Variants in EXT1 observed in about 807,000 individuals in gnomAD.
EXT1 encodes exostosin-1.
A neutral mutation model predicts 82.5 loss-of-function variants in EXT1; 20 were observed. The ratio of observed to expected loss-of-function variants is 0.24; its 90% CI spans 0.17 to 0.35. The LOEUF is 0.35. EXT1 is among the 10% of genes least tolerant of loss of function. EXT1 has a pLI of 1.00. For synonymous variants in EXT1, 348 were observed against 350.8 expected, an observed-to-expected ratio of 0.99 and a Z score of 0.09; for missense variants, 757 against 936.5, an observed-to-expected ratio of 0.81 and a Z score of 2.50.
intron 1 of EXT1, among the ~76,000 whole-genome samples, chr8:118,068,205 A>AGTTC (rs1363767398): frequency 6.6e-6 from 1 of 152,190 alleles, no homozygotes; most frequent in African/African-American, 2.4e-5. Flanking sequence ...CAAACTCCGA[A>AGTTC]GTTCAAGTTC....
chr8:117,852,807 A>G (rs1812479437), intron 1 of EXT1, among the ~76,000 whole-genome samples: 1 of 152,230 alleles, frequency 6.6e-6, no homozygotes, highest in Admixed American at 6.5e-5. Flanking sequence ...TTGTCAGGAT[A>G]CAATGGTGGG....
chr8:118,061,542 A>C (rs1816881361), intron 1 of EXT1, among the ~76,000 whole-genome samples: 1 of 152,202 alleles, frequency 6.6e-6, no homozygotes. Context: ...TCAACACCAC[A>C]AGCTTTTTAC....
chr8:117,873,447 C>CTTTTTT (rs1184985472), intron 1 of EXT1, among the ~76,000 whole-genome samples: 2 of 99,706 alleles, frequency 2.0e-5, no homozygotes, highest in African/African-American at 4.1e-5. Context: ...TGTCCTGTGA[C>CTTTTTT]TTTTTTTTTT....
chr8:117,955,131 C>T (rs868748661), intron 1 of EXT1, among the ~76,000 whole-genome samples: 1 of 152,190 alleles, frequency 6.6e-6, no homozygotes, highest in Non-Finnish European at 1.5e-5. Context: ...AAGAGGTACA[C>T]TGTGTGATGT....
At chr8:118,048,130 G>C (rs977759175) in intron 1 of EXT1, among the ~76,000 whole-genome samples, 4 of 152,010 alleles carry the variant, frequency 2.6e-5, no homozygotes, top group South Asian at 2.1e-4. Flanking sequence ...TTCCTACATA[G>C]GGCAAGTCAA....
At chr8:117,861,639 T>TACGTGCCACCACACCC in intron 1 of EXT1, among the ~76,000 whole-genome samples, 1 of 143,000 alleles carries the variant, frequency 7.0e-6, no homozygotes, top group Non-Finnish European at 1.6e-5. Context: ...GGATTACAGA[T>TACGTGCCACCACACCC]ACGTGCCACC....
chr8:118,101,023 G>A (rs552847368), intron 1 of EXT1, among the ~76,000 whole-genome samples: 1 of 152,324 alleles, frequency 6.6e-6, no homozygotes, highest in African/African-American at 2.4e-5. Context: ...GCTTAGTTAG[G>A]AAGAGCTAAG....
At chr8:117,929,666 G>A (rs996362441) in intron 1 of EXT1, among the ~76,000 whole-genome samples, 2 of 152,194 alleles carry the variant, frequency 1.3e-5, no homozygotes, top group Non-Finnish European at 2.9e-5. Context: ...GAGACTGAAG[G>A]AGTATGCCAA....
At chr8:117,931,458 C>G (rs1049681486) in intron 1 of EXT1, among the ~76,000 whole-genome samples, 1 of 103,410 alleles carries the variant, frequency 9.7e-6, no homozygotes, top group African/African-American at 3.8e-5. Flanking sequence ...TTGTGTGGGG[C>G]GGGGGTGTGG....
At chr8:117,815,090 C>T (rs2129727033) in intron 7 of EXT1, among the ~76,000 whole-genome samples, 1 of 152,286 alleles carries the variant, frequency 6.6e-6, no homozygotes, top group African/African-American at 2.4e-5. Context: ...GATCAGCAAC[C>T]TCATAGACAC....
intron 1 of EXT1, among the ~76,000 whole-genome samples, chr8:118,019,813 G>A (rs373643775): frequency 6.6e-6 from 1 of 152,278 alleles, no homozygotes; most frequent in East Asian, 1.9e-4. Context: ...GGTAAGTGGT[G>A]GTGGCAGATT....
At chr8:118,043,810 G>T (rs1308543988) in intron 1 of EXT1, among the ~76,000 whole-genome samples, 1 of 152,204 alleles carries the variant, frequency 6.6e-6, no homozygotes, top group East Asian at 1.9e-4. Flanking sequence ...CCACTACTGG[G>T]AGGAGGAGAG....
chr8:117,914,893 G>C (rs1586282169), intron 1 of EXT1, among the ~76,000 whole-genome samples: 1 of 152,128 alleles, frequency 6.6e-6, no homozygotes, highest in Admixed American at 6.5e-5. Context: ...TTTGCCCTTT[G>C]TCCTGTTCCC....
intron 1 of EXT1, among the ~76,000 whole-genome samples, chr8:117,997,260 TATAC>T: frequency 8.1e-6 from 1 of 124,144 alleles, no homozygotes; most frequent in African/African-American, 2.8e-5. Flanking sequence ...TATATATATA[TATAC>T]ACACTTTATA....
At chr8:117,874,976 T>G (rs1355219987) in intron 1 of EXT1, among the ~76,000 whole-genome samples, 2 of 152,192 alleles carry the variant, frequency 1.3e-5, no homozygotes, top group African/African-American at 2.4e-5. Context: ...GATTTTAAAC[T>G]GCAGCTTGAA....
intron 1 of EXT1, among the ~76,000 whole-genome samples, chr8:117,874,576 A>G (rs1411549364): frequency 3.5e-5 from 3 of 84,828 alleles, no homozygotes; most frequent in Non-Finnish European, 6.1e-5. Flanking sequence ...ACTCTGCCTC[A>G]AAAAAAAAAA....
intron 1 of EXT1, among the ~76,000 whole-genome samples, chr8:117,931,334 T>C (rs1025390802): frequency 3.3e-5 from 5 of 152,164 alleles, no homozygotes; most frequent in Non-Finnish European, 7.3e-5. Flanking sequence ...CACACAGACA[T>C]ACATATGCCC....
chr8:117,905,523 C>A (rs554871706), intron 1 of EXT1, among the ~76,000 whole-genome samples: 5 of 151,960 alleles, frequency 3.3e-5, no homozygotes, highest in African/African-American at 7.2e-5. Context: ...CTCAAAAAAA[C>A]CAAAACAGGC....
At chr8:117,853,473 G>T (rs1194530343) in intron 1 of EXT1, among the ~76,000 whole-genome samples, 1 of 152,164 alleles carries the variant, frequency 6.6e-6, no homozygotes, top group African/African-American at 2.4e-5. Context: ...TGTCTGGATG[G>T]ATAAACACTT....
Sources: gnomAD v4.1 joint callset for allele counts (sites outside exome capture counted in the v4.1 genomes callset) on GRCh38, gnomAD v4.1.1 for gene constraint, MANE v1.5 for transcripts, NCBI Gene and HGNC (gene_info 2026-07-23, HGNC 2026-07-21) for gene names.